The following NALF1 variants were observed in gnomAD, a reference collection of about 807,000 sequenced individuals.
NALF1 encodes the protein family with sequence similarity 155 member A.
A neutral mutation model predicts 48.4 loss-of-function variants in NALF1; 3 were observed. The observed-to-expected ratio is 0.06, with a 90% CI of 0.03 to 0.16. The LOEUF (loss-of-function observed/expected upper bound fraction) is 0.16, where lower values mean the gene tolerates loss of function less well. NALF1 is among the 10% of genes least tolerant of loss of function. The probability of loss-of-function intolerance (pLI) is 1.00; values close to 1 mark genes in which losing one functional copy is unlikely to be tolerated. For missense variants in NALF1, 526 were observed against 571.5 expected (o/e 0.92, Z 0.81); for synonymous variants, 262 against 245.7 (o/e 1.07, Z -0.62).
chr13:107,703,477 C>G (rs1248184461), intron 1 of NALF1, among the ~76,000 whole-genome samples: 1 of 151,328 alleles, frequency 6.6e-6, no homozygotes, highest in African/African-American at 2.4e-5. Context: ...TCCCGAGTAG[C>G]TGGGGTTACA....
At chr13:107,187,383 C>G (rs1412338918) in intron 2 of NALF1, among the ~76,000 whole-genome samples, 1 of 152,124 alleles carries the variant, frequency 6.6e-6, no homozygotes, top group Non-Finnish European at 1.5e-5. Context: ...TAGGATGGAT[C>G]CTGGCTCTTC....
chr13:107,240,883 T>C (rs1880452516), intron 1 of NALF1, among the ~76,000 whole-genome samples: 1 of 151,674 alleles, frequency 6.6e-6, no homozygotes, highest in Non-Finnish European at 1.5e-5. Context: ...ACAAGAACTA[T>C]GTCTTAGAAT....
intron 1 of NALF1, among the ~76,000 whole-genome samples, chr13:107,865,100 A>G (rs920473689): frequency 3.3e-5 from 5 of 152,228 alleles, no homozygotes; most frequent in Non-Finnish European, 7.3e-5. Flanking sequence ...GAAAACTTAA[A>G]AAAAGTAAAT....
intron 1 of NALF1, among the ~76,000 whole-genome samples, chr13:107,632,822 T>C (rs971307996): frequency 1.3e-5 from 2 of 151,320 alleles, no homozygotes; most frequent in Non-Finnish European, 2.9e-5. Context: ...AAATGGAATA[T>C]GATTATTGTA....
intron 1 of NALF1, among the ~76,000 whole-genome samples, chr13:107,564,549 A>C (rs951487203): frequency 1.3e-5 from 2 of 152,126 alleles, no homozygotes; most frequent in African/African-American, 2.4e-5. Flanking sequence ...CCAGGCCCCT[A>C]GTTCTTGGAG....
intron 1 of NALF1, among the ~76,000 whole-genome samples, chr13:107,790,578 T>C (rs1238852073): frequency 2.6e-5 from 4 of 152,206 alleles, no homozygotes; most frequent in African/African-American, 4.8e-5. Flanking sequence ...CACATACACA[T>C]AATTCACTAA....
chr13:107,603,571 A>G (rs1412323657), intron 1 of NALF1, among the ~76,000 whole-genome samples: 3 of 152,238 alleles, frequency 2.0e-5, no homozygotes. Flanking sequence ...TATCATATAA[A>G]ATGTACACTC....
intron 1 of NALF1, among the ~76,000 whole-genome samples, chr13:107,403,316 A>T (rs1402355153): frequency 6.8e-6 from 1 of 148,096 alleles, no homozygotes; most frequent in Non-Finnish European, 1.5e-5. Context: ...CTTTTAAGCC[A>T]ATTTTTGGTT....
At chr13:107,463,417 A>G (rs1187858222) in intron 1 of NALF1, among the ~76,000 whole-genome samples, 1 of 152,206 alleles carries the variant, frequency 6.6e-6, no homozygotes, top group Non-Finnish European at 1.5e-5. Flanking sequence ...GGGAGAGGGT[A>G]CAGAATAGAG....
intron 1 of NALF1, among the ~76,000 whole-genome samples, chr13:107,474,503 A>G (rs1885148896): frequency 1.3e-5 from 2 of 152,228 alleles, no homozygotes; most frequent in Admixed American, 6.5e-5. Context: ...TAACAAAAAT[A>G]TGCTAGATTA....
At chr13:107,645,321 G>A (rs1880286453) in intron 1 of NALF1, among the ~76,000 whole-genome samples, 3 of 152,070 alleles carry the variant, frequency 2.0e-5, no homozygotes, top group South Asian at 4.1e-4. Flanking sequence ...GTTTTTCAGT[G>A]TGCATGTTTT....
At chr13:107,557,683 A>G (rs1185719566) in intron 1 of NALF1, among the ~76,000 whole-genome samples, 3 of 152,144 alleles carry the variant, frequency 2.0e-5, no homozygotes, top group Non-Finnish European at 2.9e-5. Context: ...TTTTGTGGAA[A>G]GGAACACTCA....
intron 1 of NALF1, among the ~76,000 whole-genome samples, chr13:107,800,357 CA>C (rs1878568037): frequency 6.6e-6 from 1 of 151,814 alleles, no homozygotes; most frequent in Non-Finnish European, 1.5e-5. Context: ...TTATTATTAT[CA>C]TATCACTTTT....
At chr13:107,496,530 G>A (rs1279205417) in intron 1 of NALF1, among the ~76,000 whole-genome samples, 2 of 152,114 alleles carry the variant, frequency 1.3e-5, no homozygotes, top group African/African-American at 4.8e-5. Context: ...CTGCCAGTCA[G>A]GTGAAATTTC....
At chr13:107,412,859 A>C (rs892971199) in intron 1 of NALF1, among the ~76,000 whole-genome samples, 1 of 152,234 alleles carries the variant, frequency 6.6e-6, no homozygotes, top group Admixed American at 6.5e-5. Flanking sequence ...AATGAATTTT[A>C]GACTGCATGA....
intron 1 of NALF1, among the ~76,000 whole-genome samples, chr13:107,690,364 G>A (rs886603114): frequency 6.6e-6 from 1 of 152,228 alleles, no homozygotes; most frequent in Non-Finnish European, 1.5e-5. Context: ...CACATTCTTA[G>A]TGTGCAATTA....
chr13:107,806,772 A>C (rs1454455693), intron 1 of NALF1, among the ~76,000 whole-genome samples: 2 of 152,198 alleles, frequency 1.3e-5, no homozygotes, highest in African/African-American at 2.4e-5. Flanking sequence ...AACGGAAAAC[A>C]GACTTTTTAA....
chr13:107,420,223 T>C (rs1171756243), intron 1 of NALF1, among the ~76,000 whole-genome samples: 1 of 152,144 alleles, frequency 6.6e-6, no homozygotes, highest in Non-Finnish European at 1.5e-5. Context: ...AATAAAGATA[T>C]TTTGCTAATT....
intron 1 of NALF1, among the ~76,000 whole-genome samples, chr13:107,356,758 C>T (rs1882970356): frequency 6.6e-6 from 1 of 152,142 alleles, no homozygotes; most frequent in African/African-American, 2.4e-5. Flanking sequence ...AGCTAAAACT[C>T]AAACAGAATA....
Sources: allele counts gnomAD v4.1 joint callset (sites outside exome capture counted in the v4.1 genomes callset), GRCh38; gene constraint gnomAD v4.1.1; transcripts MANE v1.5; gene names NCBI Gene and HGNC (gene_info 2026-07-23, HGNC 2026-07-21).